RAB27A: variants seen among roughly 807,000 people sequenced by gnomAD.
The protein encoded by RAB27A is RAB27A, member RAS oncogene family, also known as ras-related protein Rab-27A.
A neutral mutation model predicts 20.8 loss-of-function variants in RAB27A; 17 were observed. The observed-to-expected ratio is 0.82, with a 90% confidence interval of 0.56 to 1.23. The LOEUF is 1.23. Among genes scored for constraint, RAB27A ranks in the 50% most tolerant of loss-of-function variants. The probability of loss-of-function intolerance (pLI) is 0.00; values close to 1 mark genes in which losing one functional copy is unlikely to be tolerated. For synonymous variants in RAB27A, 85 were observed against 92.8 expected (o/e 0.92, Z 0.48); for missense variants, 277 against 266.7 (o/e 1.04, Z -0.27).
Position 55,234,944 on chromosome 15 carries a change from C to A in RAB27A, c.-10G>T, listed in dbSNP as rs746673176. On this transcript the variant is annotated 5_prime_UTR_variant, in exon 3 of 7. Transcript: ENST00000336787. ...AATCTCCATCAGACATAATGAAGAA[C>A]TCAGTAGTTCACCTGTAAAATACAC... is the stretch of plus-strand genomic sequence containing the variant. 32 of 1,608,884 alleles carry A rather than the reference C, an allele frequency of 2.0e-5. No homozygotes were observed. The highest frequency in any genetic ancestry group is 2.7e-5 in the Non-Finnish European group (32 of 1,177,452).
chr15:55,214,167 T>C (rs1288717124), intron 6 of RAB27A, among the ~76,000 whole-genome samples: 1 of 152,254 alleles, frequency 6.6e-6, no homozygotes, highest in African/African-American at 2.4e-5. Flanking sequence ...CCGGGCGCGA[T>C]GGCTGATGCC....
At chr15:55,265,292 G>A (rs189901266) in intron 2 of RAB27A, among the ~76,000 whole-genome samples, 132 of 152,150 alleles carry the variant, frequency 8.7e-4, no homozygotes, top group Non-Finnish European at 1.6e-3. Context: ...TGCACAAGCC[G>A]TTGGGGAGAT....
intron 2 of RAB27A, among the ~76,000 whole-genome samples, chr15:55,257,314 T>G (rs1486351964): frequency 1.3e-5 from 2 of 152,136 alleles, no homozygotes; most frequent in Admixed American, 6.5e-5. Flanking sequence ...CACATTTACC[T>G]CTGCCCTTGA....
At chr15:55,268,231 C>T (rs1360880835) in intron 2 of RAB27A, among the ~76,000 whole-genome samples, 2 of 151,662 alleles carry the variant, frequency 1.3e-5, no homozygotes, top group Non-Finnish European at 2.9e-5. Flanking sequence ...CCCACAATGA[C>T]TTCTGATAAT....
chr15:55,315,869 G>C (rs890866593), intron 1 of RAB27A, among the ~76,000 whole-genome samples: 1 of 152,166 alleles, frequency 6.6e-6, no homozygotes, highest in African/African-American at 2.4e-5. Context: ...TCTACAACCA[G>C]AAATGCCATT....
upstream of RAB27A, among the ~76,000 whole-genome samples, chr15:55,290,588 C>T (rs908470747): frequency 6.6e-6 from 1 of 152,252 alleles, no homozygotes; most frequent in Non-Finnish European, 1.5e-5. Context: ...TAAGGAACCG[C>T]CTCTGTCGGA....
At chr15:55,219,923 A>T (rs1010896864) in intron 6 of RAB27A, among the ~76,000 whole-genome samples, 1 of 152,290 alleles carries the variant, frequency 6.6e-6, no homozygotes, top group Non-Finnish European at 1.5e-5. Context: ...TCATATTACA[A>T]TTTAACCAAG....
At chr15:55,246,297 A>G (rs1896681897) in intron 2 of RAB27A, among the ~76,000 whole-genome samples, 1 of 152,170 alleles carries the variant, frequency 6.6e-6, no homozygotes, top group Admixed American at 6.5e-5. Flanking sequence ...TGGGTGACCA[A>G]CATAACCCAG....
chr15:55,210,764 CT>C (rs1363512645), intron 6 of RAB27A, among the ~76,000 whole-genome samples: 1 of 151,970 alleles, frequency 6.6e-6, no homozygotes, highest in Non-Finnish European at 1.5e-5. Flanking sequence ...AGCTTTTTAG[CT>C]TGATATAAAT....
At chr15:55,212,091 A>G (rs967258589) in intron 6 of RAB27A, among the ~76,000 whole-genome samples, 6 of 152,060 alleles carry the variant, frequency 3.9e-5, no homozygotes, top group African/African-American at 7.2e-5. Flanking sequence ...ATTGAAGGAA[A>G]AAATAACTAA....
At chr15:55,299,736 T>C (rs983267229) in intron 2 of RAB27A, among the ~76,000 whole-genome samples, 6 of 152,178 alleles carry the variant, frequency 3.9e-5, no homozygotes, top group Non-Finnish European at 5.9e-5. Context: ...GTTTATCTTA[T>C]TCTAAAGGAC....
At chr15:55,263,101 C>A (rs1255163107) in intron 2 of RAB27A, among the ~76,000 whole-genome samples, 1 of 152,052 alleles carries the variant, frequency 6.6e-6, no homozygotes, top group Non-Finnish European at 1.5e-5. Flanking sequence ...ATTTTTCTTT[C>A]CTTTCTTCTA....
At chr15:55,293,559 A>G (rs2054934279), upstream of RAB27A, among the ~76,000 whole-genome samples, 1 of 152,114 alleles carries the variant, frequency 6.6e-6, no homozygotes, top group Non-Finnish European at 1.5e-5. Flanking sequence ...TTTAACCAAG[A>G]AGGTGCAGGA....
intron 2 of RAB27A, among the ~76,000 whole-genome samples, chr15:55,256,299 G>A (rs1052309938): frequency 1.6e-4 from 24 of 151,858 alleles, no homozygotes; most frequent in Admixed American, 1.4e-3. Flanking sequence ...CAGTAGTCCC[G>A]GCTACTCAGA....
intron 2 of RAB27A, among the ~76,000 whole-genome samples, chr15:55,295,218 G>C (rs554665322): frequency 3.3e-4 from 50 of 151,890 alleles, no homozygotes; most frequent in Non-Finnish European, 6.5e-4. Context: ...AGGAAAGGGA[G>C]GGAGGAAAGA....
intron 2 of RAB27A, among the ~76,000 whole-genome samples, chr15:55,304,902 G>A (rs118019066): frequency 0.051 from 7,787 of 152,154 alleles, 279 homozygotes; most frequent in East Asian, 0.15. Context: ...AGATTTCATA[G>A]AGTGAAAACG....
At chr15:55,233,900 G>A (rs759412640) in intron 3 of RAB27A, among the ~76,000 whole-genome samples, 3 of 151,968 alleles carry the variant, frequency 2.0e-5, no homozygotes, top group African/African-American at 4.8e-5. Context: ...TCAACTACAC[G>A]TCAATACTAA....
At chr15:55,220,106 C>T (rs1895495594) in intron 6 of RAB27A, among the ~76,000 whole-genome samples, 1 of 152,170 alleles carries the variant, frequency 6.6e-6, no homozygotes, top group Admixed American at 6.5e-5. Context: ...CTTGTCCCAG[C>T]ACACACAGAT....
intron 2 of RAB27A, among the ~76,000 whole-genome samples, chr15:55,244,451 CACA>C (rs1176672274): frequency 6.6e-6 from 1 of 152,146 alleles, no homozygotes; most frequent in Non-Finnish European, 1.5e-5. Context: ...CACAGCAGTG[CACA>C]ACACCATACA....
Sources: gnomAD v4.1 joint callset for allele counts (sites outside exome capture counted in the v4.1 genomes callset) on GRCh38, gnomAD v4.1.1 for gene constraint, MANE v1.5 for transcripts, NCBI Gene and HGNC (gene_info 2026-07-23, HGNC 2026-07-21) for gene names.